HNRNPU: variants seen among roughly 807,000 people sequenced by gnomAD.
HNRNPU encodes the protein HNRNPU antisense RNA 1.
A neutral mutation model predicts 94.7 loss-of-function variants in HNRNPU; 5 were observed. The observed-to-expected ratio is 0.05, with a 90% CI of 0.03 to 0.11. The LOEUF (loss-of-function observed/expected upper bound fraction) is 0.11, where lower values mean the gene tolerates loss of function less well. HNRNPU is among the 10% of genes least tolerant of loss of function. The pLI, the probability that HNRNPU is intolerant of heterozygous loss-of-function variation, is 1.00. For missense variants in HNRNPU, 710 were observed against 1,049.2 expected, an observed-to-expected ratio of 0.68 and a Z score of 4.47; for synonymous variants, 434 against 381.6, an observed-to-expected ratio of 1.14 and a Z score of -1.60.
At chr1:244,863,575 C>G (rs2102990367) in intron 1 of HNRNPU, 42 bp downstream of exon 1, 2 of 1,378,674 alleles carry the variant, frequency 1.5e-6, no homozygotes, top group African/African-American at 3.0e-5. Context: ...CCCCACCCCG[C>G]GCGGGCCTCC....
intron 10 of HNRNPU, 143 bp from the exon 11 acceptor site, chr1:244,856,301 A>C: frequency 8.8e-7 from 1 of 1,141,912 alleles, no homozygotes; most frequent in South Asian, 1.5e-5. Context: ...TAACAACTGC[A>C]ATTTTAATTC....
chr1:244,850,505 G>C lies in HNRNPU; in HGVS notation c.*3945C>G, dbSNP rs1495946. The stretch of plus-strand genomic sequence containing the variant: ...CCCCCAAAAAAAAGCTTTAATAAAG[G>C]CACTGCAGCGTTAACTAAGTTTTAG... On this transcript the variant is annotated 3_prime_UTR_variant, in exon 14 of 14. Coordinates refer to ENST00000640218, the MANE Select transcript of HNRNPU (RefSeq NM_031844.3). The C allele has an allele frequency of 2.4e-5, 3 of 125,170 alleles. No homozygotes were observed. The highest frequency in any genetic ancestry group is 8.7e-5 in the African/African-American group (3 of 34,388). The allele number at this position is 125,170 out of a possible 1,614,324, so 7.8% of individuals were successfully genotyped here.
At chr1:244,862,937 C>T (rs770213909) in intron 1 of HNRNPU, 5 of 589,684 alleles carry the variant, frequency 8.5e-6, no homozygotes, top group Non-Finnish European at 1.5e-5. Context: ...TTTTGCCAGT[C>T]TCCTCGATGA....
chr1:244,857,669 T>C lies in HNRNPU; in HGVS notation c.1543A>G (p.Thr515Ala), dbSNP rs757616624. The change falls in exon 8 of 14, where the codon ACT (threonine) becomes GCT (alanine). Residue 515 changes from threonine to alanine, a missense_variant. By Grantham distance (58) the Thr-to-Ala change is moderately conservative. Transcript: ENST00000640218. ...LPGAGKTTWV[T>A]KHAAENPGKY... ...CCTGGATTTTCTGCTGCATGTTTAG[T>C]AACCCAGGTAGTTTTTCCAGCTCCT... 2.9e-5 allele frequency: 46 copies of C among 1,613,536 alleles called. No individual in the cohort carries two copies. Among genetic ancestry groups the C allele is most frequent in the Non-Finnish European group, 2.2e-5 (26 of 1,179,526 alleles).
intron 5 of HNRNPU, chr1:244,859,044 T>C (rs187210210): frequency 1.9e-5 from 11 of 580,134 alleles, no homozygotes; most frequent in Admixed American, 1.3e-4. Context: ...TAGTTGACGA[T>C]TTGCATATCA....
intron 3 of HNRNPU, chr1:244,861,318 T>A (rs933066312): frequency 6.6e-6 from 1 of 152,250 alleles, no homozygotes; most frequent in Admixed American, 6.5e-5. Context: ...ATTGTACTTA[T>A]ATTGACATAT....
chr1:244,850,360 G>A lies in HNRNPU; in HGVS notation c.*4090C>T, dbSNP rs1409898023. The A allele has an allele frequency of 1.3e-5, 2 of 152,010 alleles. No individual in the cohort carries two copies. Among genetic ancestry groups the A allele is most frequent in the Non-Finnish European group, 2.9e-5 (2 of 68,016 alleles). The allele number at this position is 152,010 out of a possible 1,614,324, so 9.4% of individuals were successfully genotyped here. A position where few individuals can be genotyped will look rare whatever the true frequency, so the allele number is the denominator to read the frequency against. On this transcript the variant is annotated 3_prime_UTR_variant, in exon 14 of 14. Transcript: ENST00000640218. ...TATGTACCTGTGGTGCTAATACTAG[G>A]CAAAGAAAACAGGACGATTCAAGAG...
In HNRNPU at chr1:244,854,728, T is replaced by C. The variant is rs564847885; in HGVS notation, c.2425-225A>G. 4.5e-5 allele frequency: 24 copies of C among 537,442 alleles called. No homozygotes were observed. The South Asian group carries it at 7.1e-4, about 16-fold the overall frequency. 33.3% of individuals were successfully genotyped at this position (537,442 alleles called of 1,614,324 possible). The stretch of plus-strand genomic sequence containing the variant: ...CTTTGTTAGTTTACACAATTAAAGC[T>C]AGCAGTAAAAGAACTGTATATATTA... On this transcript the variant is annotated intron_variant, in intron 13 of 13. Coordinates refer to ENST00000640218, the MANE Select transcript of HNRNPU (RefSeq NM_031844.3).
chr1:244,862,875 A>G lies in HNRNPU; in HGVS notation c.692-145T>C, dbSNP rs117933608. 216 of 681,678 alleles carry G rather than the reference A, an allele frequency of 3.2e-4. 1 individual carries two copies. In the East Asian group the frequency reaches 5.2e-3, roughly 16 times the overall value. 42.2% of individuals were successfully genotyped at this position (681,678 alleles called of 1,614,324 possible). ...GACTCAAATGTGAATTCAAAGAACA[A>G]TCAACTACGAATTCGATTGGCGCTA... On this transcript the variant is annotated intron_variant, in intron 1 of 13. Transcript: ENST00000640218.
intron 4 of HNRNPU, chr1:244,859,614 C>T (rs1680774122): frequency 3.3e-6 from 1 of 306,724 alleles, no homozygotes; most frequent in East Asian, 5.4e-5. Context: ...TTTTAAAGTT[C>T]ATGTTGTCAG....
At chr1:244,860,919 A>T (rs1680808097) in intron 3 of HNRNPU, 2 of 170,956 alleles carry the variant, frequency 1.2e-5, no homozygotes, top group Non-Finnish European at 2.5e-5. Flanking sequence ...GCTGCTGTTG[A>T]TCCTGCACCA....
intron 1 of HNRNPU, among the ~76,000 whole-genome samples, chr1:244,863,408 A>G (rs1680902188): frequency 2.1e-5 from 3 of 142,658 alleles, no homozygotes; most frequent in African/African-American, 7.8e-5. Flanking sequence ...ACACACACAC[A>G]CACACACACA....
rs1308031438 is a variant in HNRNPU, at chr1:244,864,008, G to T, written c.300C>A (p.Asp100Glu). 6.2e-7 allele frequency: 1 copy of T among 1,613,200 alleles called. No individual in the cohort carries two copies. Among genetic ancestry groups the T allele is most frequent in the Non-Finnish European group, 8.5e-7 (1 of 1,179,810 alleles). The change falls in exon 1 of 14, where the codon GAC (aspartate) becomes GAA (glutamate). Residue 100 changes from aspartate to glutamate, a missense_variant. Asp to Glu is a conservative substitution (Grantham distance 45). Around this residue, in one of 8 missense-constraint regions of HNRNPU, gnomAD observed 292 missense variants for 293.4 expected, o/e 1.00. Coordinates refer to ENST00000640218, the MANE Select transcript of HNRNPU (RefSeq NM_031844.3). ...CCTCTCCTAGCTCCATCTGGTCGCC[G>T]TCCAGAGCGGAGATTCCTTCCTCCT... is the stretch of plus-strand genomic sequence containing the variant. Reference protein sequence around the residue: ...EEEEEGISALDGDQMELGEEN... With the variant: ...EEEEEGISALEGDQMELGEEN...
rs1157326482 is a variant in HNRNPU, at chr1:244,855,590, C to G, written c.2186G>C (p.Gly729Ala). Residue 729 changes from glycine to alanine, a missense_variant, in exon 12 of 14, where the codon GGA (glycine) becomes GCA (alanine). Physicochemically the swap from Gly to Ala is moderately conservative, Grantham distance 60. This residue lies in a region of HNRNPU where 152 missense variants were observed against 238.9 expected (regional missense o/e 0.64). Coordinates refer to ENST00000640218, the MANE Select transcript of HNRNPU (RefSeq NM_031844.3). ...TGGCATGTTGCCCCTCCTATTATAT[C>G]CGCCACGATTCCCAGGGGCTAAAAG... The part of the protein sequence containing the change: ...FRGGAPGNRG[G>A]YNRRGNMPQR... The G allele has an allele frequency of 6.2e-7, 1 of 1,613,912 alleles. No individual in the cohort carries two copies. Among genetic ancestry groups the G allele is most frequent in the Admixed American group, 1.7e-5 (1 of 60,004 alleles).
In HNRNPU at chr1:244,854,284, T is replaced by C. The variant is rs1680620887; in HGVS notation, c.*166A>G. 3.2e-6 allele frequency: 2 copies of C among 629,190 alleles called. No homozygotes were observed. Among genetic ancestry groups the C allele is most frequent in the Non-Finnish European group, 5.7e-6 (2 of 351,510 alleles). The allele number at this position is 629,190 out of a possible 1,614,324, so 39.0% of individuals were successfully genotyped here. A position where few individuals can be genotyped will look rare whatever the true frequency, so the allele number is the denominator to read the frequency against. ...TTCACTTTTAAACTGCAATTAAAAA[T>C]GTACAAAAAAGAAAAGAAAAAAAAT... is the stretch of plus-strand genomic sequence containing the variant. On this transcript the variant is annotated 3_prime_UTR_variant, in exon 14 of 14. Transcript: ENST00000640218.
At chr1:244,858,936 A>C in intron 5 of HNRNPU, 95 bp from the exon 6 acceptor site, 2 of 659,844 alleles carry the variant, frequency 3.0e-6, no homozygotes, top group Non-Finnish European at 5.3e-6. Context: ...AAGAGAAATA[A>C]GCATATAACC....
intron 9 of HNRNPU, 29 bp downstream of exon 9, chr1:244,856,699 T>G (rs373291751): frequency 6.2e-7 from 1 of 1,605,874 alleles, no homozygotes; most frequent in African/African-American, 1.3e-5. Context: ...TATCAGTTAA[T>G]ATTTTTCAAT....
Position 244,854,102 on chromosome 1 carries a change from G to A in HNRNPU, c.*348C>T, listed in dbSNP as rs1284356761. 3 of 245,936 alleles carry A rather than the reference G, an allele frequency of 1.2e-5. No homozygotes were observed. Among genetic ancestry groups the A allele is most frequent in the East Asian group, 2.8e-4 (2 of 7,172 alleles). 15.2% of individuals were successfully genotyped at this position (245,936 alleles called of 1,614,324 possible). A position where few individuals can be genotyped will look rare whatever the true frequency, so the allele number is the denominator to read the frequency against. ...GACTGTTATTCTCTGTGAGAAATGG[G>A]GGGAGTAAATTCTTAATAAAAGACA... is the stretch of plus-strand genomic sequence containing the variant. On this transcript the variant is annotated 3_prime_UTR_variant, in exon 14 of 14. Transcript: ENST00000640218.
rs752091182 is a variant in HNRNPU, at chr1:244,855,003, T to C, written c.2394A>G (p.Gln798=). Residue 798 remains glutamine (Q), a synonymous_variant, in exon 13 of 14, where the codon CAA becomes CAG. Coordinates refer to ENST00000640218, the MANE Select transcript of HNRNPU (RefSeq NM_031844.3). ...GRGNNRGYKN[Q]SQGYNQWQQG... ...GCTGCCACTGGTTGTAGCCCTGAGA[T>C]TGATTTTTGTAGCCACGATTGTTTC... is the stretch of plus-strand genomic sequence containing the variant. The C allele has an allele frequency of 1.7e-5, 28 of 1,613,858 alleles. No homozygotes were observed. Among genetic ancestry groups the C allele is most frequent in the East Asian group, 1.1e-4 (5 of 44,868 alleles).
Sources: gnomAD v4.1 joint callset for allele counts (sites outside exome capture counted in the v4.1 genomes callset) on GRCh38, gnomAD v4.1.1 for gene constraint, gnomAD v4.1.1 regional missense constraint, MANE v1.5 for transcripts, NCBI Gene and HGNC (gene_info 2026-07-23, HGNC 2026-07-21) for gene names.